The following CSNK2A2IP variants were observed in gnomAD, a reference collection of about 807,000 sequenced individuals.
CSNK2A2IP encodes the protein casein kinase 2 subunit alpha' interacting protein.
the CSNK2A2IP span, among the ~76,000 whole-genome samples, chr3:88,398,715 C>T: frequency 6.6e-6 from 1 of 152,086 alleles, no homozygotes; most frequent in Non-Finnish European, 1.5e-5. Context: ...CTATTCTGGC[C>T]ATGAAGTCTT....
chr3:88,394,343 G>A, the CSNK2A2IP span, among the ~76,000 whole-genome samples: 1 of 152,154 alleles, frequency 6.6e-6, no homozygotes. Flanking sequence ...GGATGGGGGT[G>A]TCTCAGTTTT....
At chr3:88,425,029 T>C in the CSNK2A2IP span, among the ~76,000 whole-genome samples, 2 of 152,034 alleles carry the variant, frequency 1.3e-5, no homozygotes, top group African/African-American at 4.8e-5. Context: ...CTTATGAAAA[T>C]TTGTATATAT....
chr3:88,457,588 T>G, the CSNK2A2IP span, among the ~76,000 whole-genome samples: 1 of 151,900 alleles, frequency 6.6e-6, no homozygotes, highest in Non-Finnish European at 1.5e-5. Flanking sequence ...TCCCAGCTAC[T>G]CAGGAGGCTG....
At chr3:88,375,594 A>G in the CSNK2A2IP span, among the ~76,000 whole-genome samples, 1 of 151,652 alleles carries the variant, frequency 6.6e-6, no homozygotes, top group Admixed American at 6.6e-5. Context: ...CTTCAAATGT[A>G]TGTAAAATAA....
the CSNK2A2IP span, among the ~76,000 whole-genome samples, chr3:88,437,343 CA>C: frequency 5.3e-4 from 81 of 152,182 alleles, no homozygotes; most frequent in African/African-American, 1.7e-3. Context: ...AGACCAAATT[CA>C]AATCCCATTA....
the CSNK2A2IP span, among the ~76,000 whole-genome samples, chr3:88,426,368 C>A: frequency 1.0e-3 from 156 of 152,290 alleles, no homozygotes; most frequent in East Asian, 7.4e-3. Flanking sequence ...GATCCAGGAA[C>A]TAGCAATCAA....
chr3:88,448,338 T>C, the CSNK2A2IP span, among the ~76,000 whole-genome samples: 1 of 152,240 alleles, frequency 6.6e-6, no homozygotes, highest in Non-Finnish European at 1.5e-5. Context: ...GGTCAATGTC[T>C]GTATCTATAT....
chr3:88,378,981 C>T, the CSNK2A2IP span, among the ~76,000 whole-genome samples: 1 of 151,952 alleles, frequency 6.6e-6, no homozygotes, highest in Non-Finnish European at 1.5e-5. Flanking sequence ...TTGCCCTCAT[C>T]TTTGCAAATG....
At chr3:88,358,672 A>G in the CSNK2A2IP span, among the ~76,000 whole-genome samples, 1 of 152,244 alleles carries the variant, frequency 6.6e-6, no homozygotes, top group East Asian at 1.9e-4. Flanking sequence ...CCATCCTTGC[A>G]TCTCTGTGAT....
At chr3:88,456,677 G>A in the CSNK2A2IP span, among the ~76,000 whole-genome samples, 2 of 142,836 alleles carry the variant, frequency 1.4e-5, no homozygotes, top group Admixed American at 6.9e-5. Flanking sequence ...TTTTTCAGAT[G>A]TGCATCCAAT....
chr3:88,374,330 T>TAATC, the CSNK2A2IP span, among the ~76,000 whole-genome samples: 3 of 151,666 alleles, frequency 2.0e-5, no homozygotes, highest in African/African-American at 7.2e-5. Context: ...GCTTCTGAGA[T>TAATC]AATCAAGTGG....
At chr3:88,423,438 A>T in the CSNK2A2IP span, among the ~76,000 whole-genome samples, 1 of 152,256 alleles carries the variant, frequency 6.6e-6, no homozygotes, top group Non-Finnish European at 1.5e-5. Flanking sequence ...ACAAGGAGTT[A>T]GAAGTCTCCT....
At chr3:88,368,200 G>T in the CSNK2A2IP span, among the ~76,000 whole-genome samples, 7 of 151,912 alleles carry the variant, frequency 4.6e-5, no homozygotes, top group African/African-American at 1.7e-4. Context: ...CATTTATTGA[G>T]GGCCTACTAG....
At chr3:88,459,886 C>T in the CSNK2A2IP span, among the ~76,000 whole-genome samples, 3 of 152,042 alleles carry the variant, frequency 2.0e-5, no homozygotes, top group East Asian at 5.8e-4. Flanking sequence ...ACTTGGGTCA[C>T]AATAGACTAT....
the CSNK2A2IP span, among the ~76,000 whole-genome samples, chr3:88,399,332 C>T: frequency 1.3e-5 from 2 of 152,066 alleles, no homozygotes; most frequent in Non-Finnish European, 2.9e-5. Flanking sequence ...ACATCATCTA[C>T]CTTCTAAAAA....
the CSNK2A2IP span, among the ~76,000 whole-genome samples, chr3:88,388,900 T>C: frequency 6.6e-6 from 1 of 151,988 alleles, no homozygotes; most frequent in African/African-American, 2.4e-5. Context: ...ATAGCACCAA[T>C]TGACTCATTC....
chr3:88,392,869 G>A, the CSNK2A2IP span, among the ~76,000 whole-genome samples: 1 of 152,148 alleles, frequency 6.6e-6, no homozygotes, highest in Non-Finnish European at 1.5e-5. Flanking sequence ...AGGGCAATAT[G>A]AACACACTTT....
the CSNK2A2IP span, among the ~76,000 whole-genome samples, chr3:88,447,981 A>G: frequency 6.6e-6 from 1 of 152,234 alleles, no homozygotes. Flanking sequence ...CGTTAATTTC[A>G]AAAACATAGA....
the CSNK2A2IP span, among the ~76,000 whole-genome samples, chr3:88,356,287 A>G: frequency 6.6e-6 from 1 of 151,880 alleles, no homozygotes; most frequent in African/African-American, 2.4e-5. Flanking sequence ...ACCATCATTT[A>G]TTCTCTATTT....
Sources: gnomAD v4.1 joint callset for allele counts (sites outside exome capture counted in the v4.1 genomes callset) on GRCh38, gnomAD v4.1.1 for gene constraint, MANE v1.5 for transcripts, NCBI Gene and HGNC (gene_info 2026-07-23, HGNC 2026-07-21) for gene names.